ZC3H12C: variants seen among roughly 807,000 people sequenced by gnomAD.
ZC3H12C encodes the protein zinc finger CCCH-type containing 12C.
ZC3H12C carries 20 observed loss-of-function variants against 76.3 expected under a neutral mutation model. That is an observed-to-expected ratio of 0.26 (90% confidence interval 0.18 to 0.38). ZC3H12C has a LOEUF of 0.38. Among genes scored for constraint, ZC3H12C ranks in the 10% least tolerant of loss-of-function variants. The probability of loss-of-function intolerance (pLI) is 1.00; values close to 1 mark genes in which losing one functional copy is unlikely to be tolerated. For missense variants in ZC3H12C, 874 were observed against 1,086.5 expected (o/e 0.80, Z 2.75); for synonymous variants, 352 against 399.6 (o/e 0.88, Z 1.42).
chr11:110,160,090 C>A (rs1334907547), intron 4 of ZC3H12C, among the ~76,000 whole-genome samples: 1 of 152,194 alleles, frequency 6.6e-6, no homozygotes. Flanking sequence ...GTTTGTATAT[C>A]TAAACATACC....
chr11:110,098,634 T>C (rs939229000), intron 1 of ZC3H12C, among the ~76,000 whole-genome samples: 1 of 152,232 alleles, frequency 6.6e-6, no homozygotes, highest in Non-Finnish European at 1.5e-5. Flanking sequence ...ACTGCATTTT[T>C]ACTCTACCTT....
chr11:110,128,454 C>A (rs948425653), intron 1 of ZC3H12C, among the ~76,000 whole-genome samples: 1 of 152,174 alleles, frequency 6.6e-6, no homozygotes, highest in Admixed American at 6.6e-5. Context: ...TAGTTTCTCT[C>A]ATTCTTTGTG....
chr11:110,126,028 C>T (rs1224899309), intron 1 of ZC3H12C, among the ~76,000 whole-genome samples: 1 of 152,132 alleles, frequency 6.6e-6, no homozygotes, highest in Non-Finnish European at 1.5e-5. Context: ...CAGTAAATGT[C>T]CCAAGCCCTT....
At position 110,131,257 on chromosome 11, in the gene ZC3H12C, T is replaced by C. The variant is rs564359463; in HGVS notation, c.22-5406T>C. Among the ~76,000 whole-genome samples the C allele has an allele frequency of 2.0e-5, 3 of 152,390 alleles. No homozygotes were observed. The East Asian group carries it at 5.8e-4, about 29-fold the overall frequency. On this transcript the variant is annotated intron_variant, in intron 1 of 5. Transcript: ENST00000278590. ...ATACCAGAAAATTAAGTTATTTTTG[T>C]GAAATATGTCTGCGAAGCAGATTTT...
At chr11:110,113,404 CAT>C (rs1320502350) in intron 1 of ZC3H12C, among the ~76,000 whole-genome samples, 26 of 152,284 alleles carry the variant, frequency 1.7e-4, no homozygotes, top group Non-Finnish European at 2.9e-4. Context: ...ATGTCAAAAT[CAT>C]GTGAATAGAT....
rs377407994 is a variant in ZC3H12C at position 110,117,989 on chromosome 11, T to TACACACACATATATATTATATATATACAC, written c.22-18667_22-18666insCATATATATTATATATATACACACACACA. ...TACACACACATATATATTATATATATACACACATATATATTATATATATAC... is the reference window on the plus strand; with the variant it reads ...TACACACACATATATATTATATATATACACACACATATATATTATATATATACACACACACATATATATTATATATATAC... On this transcript the variant is annotated intron_variant, in intron 1 of 5. Coordinates refer to ENST00000278590, the MANE Select transcript of ZC3H12C (RefSeq NM_033390.2). Among the ~76,000 whole-genome samples, 160 of 40,798 alleles carry TACACACACATATATATTATATATATACAC rather than the reference T, an allele frequency of 3.9e-3. 22 individuals carry two copies. Among genetic ancestry groups the TACACACACATATATATTATATATATACAC allele is most frequent in the African/African-American group, 9.5e-3 (148 of 15,510 alleles). The allele number at this position is 40,798 out of a possible 152,430, so 26.8% of individuals were successfully genotyped here.
chr11:110,117,036 C>A (rs1035747033), intron 1 of ZC3H12C, among the ~76,000 whole-genome samples: 9 of 152,142 alleles, frequency 5.9e-5, no homozygotes, highest in African/African-American at 1.9e-4. Context: ...AATAGTAGTC[C>A]CTTTATAGGA....
At chr11:110,144,297 T>C (rs530710197) in intron 2 of ZC3H12C, among the ~76,000 whole-genome samples, 2 of 152,370 alleles carry the variant, frequency 1.3e-5, no homozygotes, top group South Asian at 2.1e-4. Flanking sequence ...GTAAAGACAC[T>C]AGCATGTGTC....
intron 2 of ZC3H12C, among the ~76,000 whole-genome samples, chr11:110,149,789 T>G (rs1018329878): frequency 1.3e-5 from 2 of 152,178 alleles, no homozygotes; most frequent in African/African-American, 4.8e-5. Context: ...ACCTTCTGAT[T>G]GGTATTATAT....
chr11:110,094,799 A>T (rs1327343870), intron 1 of ZC3H12C, among the ~76,000 whole-genome samples: 2 of 152,132 alleles, frequency 1.3e-5, no homozygotes, highest in African/African-American at 4.8e-5. Flanking sequence ...CAGTTACCTA[A>T]ATCTGTCTAC....
intron 1 of ZC3H12C, among the ~76,000 whole-genome samples, chr11:110,093,986 C>T (rs1385862255): frequency 6.6e-6 from 1 of 152,152 alleles, no homozygotes; most frequent in East Asian, 1.9e-4. Flanking sequence ...CCTCCTTCAC[C>T]CCCAGGCTCC....
Position 110,137,318 on chromosome 11 carries a change from A to T in ZC3H12C, c.677A>T (p.Glu226Val), listed in dbSNP as rs1254637427. ...NTITRETSSL[E>V]SQRSESPMQE... Reference sequence around the variant, plus strand: ...ATAACACGGGAAACTTCTTCCCTGGAATCTCAGAGGTCTGAATCTCCAATG... The same window carrying T: ...ATAACACGGGAAACTTCTTCCCTGGTATCTCAGAGGTCTGAATCTCCAATG... The change falls in exon 2 of 6, where the codon GAA (glutamate) becomes GTA (valine). Residue 226 changes from glutamate (E) to valine (V), a missense_variant. By Grantham distance (121) the Glu-to-Val change is moderately radical. Around this residue, in one of 3 missense-constraint regions of ZC3H12C, gnomAD observed 269 missense variants for 424.9 expected, o/e 0.63. Coordinates refer to ENST00000278590, the MANE Select transcript of ZC3H12C (RefSeq NM_033390.2). The T allele has an allele frequency of 2.5e-6, 4 of 1,613,992 alleles. No homozygotes were observed. The highest frequency in any genetic ancestry group is 1.7e-5 in the Admixed American group (1 of 60,018).
In ZC3H12C at chr11:110,136,668, C is replaced by T. The variant is rs138327298; in HGVS notation, c.27C>T (p.Tyr9=). 7.4e-6 allele frequency: 12 copies of T among 1,610,950 alleles called. No homozygotes were observed. The highest frequency in any genetic ancestry group is 6.7e-5 in the East Asian group (3 of 44,850). MPGGGSQE[Y]GVLCIQEYRK... is the part of the protein sequence containing the mutation. ...TATTTTACATTTTTCTCTAGGAATA[C>T]GGGGTGCTTTGCATTCAGGAATACA... The change falls in exon 2 of 6, where the codon TAC becomes TAT. Residue 9 remains tyrosine (Y), a synonymous_variant. Coordinates refer to ENST00000278590, the MANE Select transcript of ZC3H12C (RefSeq NM_033390.2).
chr11:110,152,887 T>C, intron 2 of ZC3H12C, 32 bp from the exon 3 acceptor site: 1 of 1,598,670 alleles, frequency 6.3e-7, no homozygotes, highest in African/African-American at 1.3e-5. Context: ...TAGGTTTTGT[T>C]GTGTTTTAAG....
At position 110,171,479 on chromosome 11, in the gene ZC3H12C, T is replaced by C. The variant is rs990527502; in HGVS notation, c.*5742T>C. 3 of 152,238 alleles carry C rather than the reference T, an allele frequency of 2.0e-5. No individual in the cohort carries two copies. Among genetic ancestry groups the C allele is most frequent in the African/African-American group, 7.2e-5 (3 of 41,456 alleles). The allele number at this position is 152,238 out of a possible 1,614,324, so 9.4% of individuals were successfully genotyped here. A position where few individuals can be genotyped will look rare whatever the true frequency, so the allele number is the denominator to read the frequency against. On this transcript the variant is annotated 3_prime_UTR_variant, in exon 6 of 6. Coordinates refer to ENST00000278590, the MANE Select transcript of ZC3H12C (RefSeq NM_033390.2). ...CAACCATCTGATAAACTAGTGTGATTGTATTTATCCTCTGTTCTGTGTATT... is the reference window on the plus strand; with the variant it reads ...CAACCATCTGATAAACTAGTGTGATCGTATTTATCCTCTGTTCTGTGTATT...
chr11:110,120,891 A>G (rs1441341746), intron 1 of ZC3H12C, among the ~76,000 whole-genome samples: 6 of 152,214 alleles, frequency 3.9e-5, no homozygotes, highest in Non-Finnish European at 8.8e-5. Context: ...TGTTTCAGGT[A>G]TGGCTGAGTC....
chr11:110,146,782 A>G (rs1862179809), intron 2 of ZC3H12C, among the ~76,000 whole-genome samples: 1 of 151,968 alleles, frequency 6.6e-6, no homozygotes, highest in African/African-American at 2.4e-5. Flanking sequence ...GCTATTGCCA[A>G]TACCTGAGAA....
intron 1 of ZC3H12C, among the ~76,000 whole-genome samples, chr11:110,096,820 G>A (rs1375579889): frequency 6.6e-6 from 1 of 152,172 alleles, no homozygotes; most frequent in East Asian, 1.9e-4. Flanking sequence ...CAGGTAAGTT[G>A]AAGGCAAGGA....
rs370494148 is a variant in ZC3H12C at position 110,156,955 on chromosome 11, C to T, written c.914-2301C>T. Among the ~76,000 whole-genome samples, 37 of 152,176 alleles carry T rather than the reference C, an allele frequency of 2.4e-4. No individual in the cohort carries two copies. The East Asian group carries it at 3.1e-3, about 13-fold the overall frequency. On this transcript the variant is annotated intron_variant, in intron 3 of 5. Transcript: ENST00000278590. Reference sequence around the variant, plus strand: ...CAGCACTTTGGGAGGCCCAGGCGGGCGGATCACGAGGTCAGGAGTTCGAGA... The same window carrying T: ...CAGCACTTTGGGAGGCCCAGGCGGGTGGATCACGAGGTCAGGAGTTCGAGA...
Sources: allele counts gnomAD v4.1 joint callset (sites outside exome capture counted in the v4.1 genomes callset), GRCh38; gene constraint gnomAD v4.1.1; regional missense constraint gnomAD v4.1.1; transcripts MANE v1.5; gene names NCBI Gene and HGNC (gene_info 2026-07-23, HGNC 2026-07-21).